SKP2: variants seen among roughly 807,000 people sequenced by gnomAD.
The protein encoded by SKP2 is S-phase kinase-associated protein 2.
A neutral mutation model predicts 51.8 loss-of-function variants in SKP2; 16 were observed. The observed-to-expected ratio is 0.31, with a 90% confidence interval of 0.21 to 0.47. The LOEUF is 0.47. Among genes scored for constraint, SKP2 ranks in the 20% least tolerant of loss-of-function variants. The pLI, the probability that SKP2 is intolerant of heterozygous loss-of-function variation, is 1.00. For missense variants in SKP2, 377 were observed against 505.3 expected, an observed-to-expected ratio of 0.75 and a Z score of 2.43; for synonymous variants, 176 against 198.6, an observed-to-expected ratio of 0.89 and a Z score of 0.96.
chr5:36,173,003 TATC>T (rs1465038786), intron 7 of SKP2, among the ~76,000 whole-genome samples: 1 of 151,678 alleles, frequency 6.6e-6, no homozygotes, highest in African/African-American at 2.4e-5. Flanking sequence ...GGAAGCAAAT[TATC>T]AATAATCTTA....
At chr5:36,188,132 C>T (rs541249107), downstream of SKP2, among the ~76,000 whole-genome samples, 10 of 152,214 alleles carry the variant, frequency 6.6e-5, no homozygotes, top group Admixed American at 1.3e-4. Flanking sequence ...TATCTCTGCA[C>T]GTGAGATGGG....
At chr5:36,181,233 C>T (rs1484205271) in intron 9 of SKP2, among the ~76,000 whole-genome samples, 2 of 152,082 alleles carry the variant, frequency 1.3e-5, no homozygotes, top group African/African-American at 4.8e-5. Flanking sequence ...CTACCTGTAC[C>T]CAACTGTATA....
intron 6 of SKP2, among the ~76,000 whole-genome samples, chr5:36,189,941 C>T (rs148134632): frequency 1.3e-5 from 2 of 152,204 alleles, no homozygotes; most frequent in East Asian, 1.9e-4. Flanking sequence ...CCCCTAGCCT[C>T]GCTGCTGCCT....
At chr5:36,187,900 T>C (rs534849585), downstream of SKP2, among the ~76,000 whole-genome samples, 394 of 152,298 alleles carry the variant, frequency 2.6e-3, 2 homozygotes, top group African/African-American at 9.2e-3. Context: ...AAGGACTTGC[T>C]TTATGAATCT....
chr5:36,174,344 G>A (rs561382554), intron 7 of SKP2, among the ~76,000 whole-genome samples: 1 of 152,236 alleles, frequency 6.6e-6, no homozygotes, highest in African/African-American at 2.4e-5. Context: ...CCTGCCCAGG[G>A]AGGACAGAGC....
At chr5:36,171,427 A>G (rs1196063258) in intron 6 of SKP2, among the ~76,000 whole-genome samples, 176 bp from the exon 7 acceptor site, 3 of 152,172 alleles carry the variant, frequency 2.0e-5, no homozygotes, top group Non-Finnish European at 4.4e-5. Flanking sequence ...GGCAACTTTC[A>G]GGGGCAAACA....
chr5:36,152,163 G>A lies in SKP2; in HGVS notation c.-100G>A, dbSNP rs1744745910. 2 of 1,278,904 alleles carry A rather than the reference G, an allele frequency of 1.6e-6. No homozygotes were observed. Among genetic ancestry groups the A allele is most frequent in the East Asian group, 4.6e-5 (2 of 43,302 alleles). 79.2% of individuals were successfully genotyped at this position (1,278,904 alleles called of 1,614,324 possible). Reference sequence around the variant, plus strand: ...GCGGGTCTGGCTGCTGGGGGCCCGAGCAGCACGCTCGGAGCCGCCGCGCGC... The same window carrying A: ...GCGGGTCTGGCTGCTGGGGGCCCGAACAGCACGCTCGGAGCCGCCGCGCGC... On this transcript the variant is annotated 5_prime_UTR_variant, in exon 1 of 10. Coordinates refer to ENST00000274255, the MANE Select transcript of SKP2 (RefSeq NM_005983.4).
Position 36,152,791 on chromosome 5 carries a change from C to A in SKP2, c.29C>A (p.Pro10Gln). 1 of 1,613,822 alleles carries A rather than the reference C, an allele frequency of 6.2e-7. No individual in the cohort carries two copies. Among genetic ancestry groups the A allele is most frequent in the Non-Finnish European group, 8.5e-7 (1 of 1,180,018 alleles). MHRKHLQEI[P>Q]DLSSNVATSF... ...TGCAGGAAGCACCTCCAGGAGATTC[C>A]AGACCTGAGTAGCAACGTTGCCACC... Residue 10 changes from proline to glutamine, a missense_variant, in exon 2 of 10, where the codon CCA (proline) becomes CAA (glutamine). Around this residue, in one of 2 missense-constraint regions of SKP2, gnomAD observed 115 missense variants for 115.5 expected, o/e 1.00. Transcript: ENST00000274255.
chr5:36,180,094 A>G, intron 9 of SKP2: 1 of 437,912 alleles, frequency 2.3e-6, no homozygotes. Context: ...TGTTGCAAGA[A>G]CATGTCCTCC....
chr5:36,190,421 T>C (rs1745997474), intron 6 of SKP2, among the ~76,000 whole-genome samples: 3 of 149,666 alleles, frequency 2.0e-5, no homozygotes. Context: ...ACAAAACATT[T>C]GAATTCAAGT....
rs769404392 is a variant in SKP2, at chr5:36,168,427, G to A, written c.651G>A (p.Arg217=). Residue 217 remains arginine (R), a synonymous_variant, in exon 5 of 10, where the codon CGG becomes CGA. Coordinates refer to ENST00000274255, the MANE Select transcript of SKP2 (RefSeq NM_005983.4). ...KLQNLSLEGL[R]LSDPIVNTLA... The stretch of plus-strand genomic sequence containing the variant: ...AGAATCTAAGCCTGGAAGGCCTGCG[G>A]CTTTCGGATCCCATTGTCAAGTGAG... 34 of 1,614,102 alleles carry A rather than the reference G, an allele frequency of 2.1e-5. No individual in the cohort carries two copies. Among genetic ancestry groups the A allele is most frequent in the Non-Finnish European group, 2.6e-5 (31 of 1,180,026 alleles).
intron 7 of SKP2, among the ~76,000 whole-genome samples, chr5:36,172,941 A>T (rs1267506217): frequency 1.3e-5 from 2 of 152,134 alleles, no homozygotes; most frequent in Non-Finnish European, 2.9e-5. Context: ...AAAACTGATC[A>T]TAGTGTTATA....
chr5:36,176,186 T>C (rs1438682187), intron 7 of SKP2, among the ~76,000 whole-genome samples: 1 of 151,976 alleles, frequency 6.6e-6, no homozygotes, highest in Non-Finnish European at 1.5e-5. Context: ...ATTATCTTGG[T>C]ATTTTGCAAT....
Position 36,182,867 on chromosome 5 carries a change from G to T in SKP2, c.*836G>T. On this transcript the variant is annotated 3_prime_UTR_variant, in exon 10 of 10. Transcript: ENST00000274255. Reference sequence around the variant, plus strand: ...TGACTTGCTTTGTTTTAGAAAGGTGGTATTAATCCACTCTCTATTCTTGAA... The same window carrying T: ...TGACTTGCTTTGTTTTAGAAAGGTGTTATTAATCCACTCTCTATTCTTGAA... 2 of 985,118 alleles carry T rather than the reference G, an allele frequency of 2.0e-6. No individual in the cohort carries two copies. The highest frequency in any genetic ancestry group is 2.4e-6 in the Non-Finnish European group (2 of 829,684). The allele number at this position is 985,118 out of a possible 1,614,324, so 61.0% of individuals were successfully genotyped here.
intron 6 of SKP2, among the ~76,000 whole-genome samples, chr5:36,189,578 G>C (rs186333901): frequency 6.6e-6 from 1 of 152,178 alleles, no homozygotes; most frequent in Non-Finnish European, 1.5e-5. Flanking sequence ...CGTTCCTCTG[G>C]AAGTTTCATC....
chr5:36,176,263 A>C (rs1745629563), intron 7 of SKP2, among the ~76,000 whole-genome samples: 1 of 151,814 alleles, frequency 6.6e-6, no homozygotes, highest in Non-Finnish European at 1.5e-5. Context: ...AGATTAACTC[A>C]CTGTTTAATA....
downstream of SKP2, among the ~76,000 whole-genome samples, chr5:36,187,064 G>T (rs1183428563): frequency 1.3e-5 from 2 of 152,240 alleles, no homozygotes; most frequent in East Asian, 3.9e-4. Context: ...ATGGTAGTTT[G>T]TATTTCTGTG....
chr5:36,168,511 A>G (rs954078234), intron 5 of SKP2, 64 bp downstream of exon 5: 19 of 1,494,016 alleles, frequency 1.3e-5, no homozygotes, highest in South Asian at 6.8e-5. Flanking sequence ...TTTTCCCTGT[A>G]TATAACTGGG....
In SKP2 at chr5:36,153,213, G is replaced by GATATAT. The variant is rs3038049; in HGVS notation, c.280+196_280+201dup. 6.2e-3 allele frequency among the ~76,000 whole-genome samples: 912 copies of GATATAT among 147,522 alleles called. 8 individuals carry two copies. The highest frequency in any genetic ancestry group is 0.015 in the African/African-American group (591 of 39,330). ...CGTCAAGTATGCAGGAATCTTGGTA[G>GATATAT]ATATATATATATATATATATATATA... On this transcript the variant is annotated intron_variant, in intron 2 of 9. Transcript: ENST00000274255.
Sources: gnomAD v4.1 joint callset for allele counts (sites outside exome capture counted in the v4.1 genomes callset) on GRCh38, gnomAD v4.1.1 for gene constraint, gnomAD v4.1.1 regional missense constraint, MANE v1.5 for transcripts, NCBI Gene and HGNC (gene_info 2026-07-23, HGNC 2026-07-21) for gene names.